The following CASP14 variants were observed in gnomAD, a reference collection of about 807,000 sequenced individuals.
The protein encoded by CASP14 is caspase-14.
In CASP14, 27 loss-of-function variants were observed where a neutral mutation model predicts 28.4. The observed-to-expected ratio is 0.95, with a 90% CI of 0.70 to 1.31. The LOEUF (loss-of-function observed/expected upper bound fraction) is 1.31. Among genes scored for constraint, CASP14 ranks in the 50% most tolerant of loss-of-function variants. The pLI is 0.00. For synonymous variants in CASP14, 115 were observed against 118.6 expected (o/e 0.97, Z 0.20); for missense variants, 323 against 312.8 (o/e 1.03, Z -0.25).
At chr19:15,055,584 A>G in intron 6 of CASP14, 51 bp downstream of exon 6, 1 of 1,350,634 alleles carries the variant, frequency 7.4e-7, no homozygotes, top group Non-Finnish European at 1.1e-6. Context: ...AGAAGGGTGC[A>G]GGCGGAGGGG....
rs1266196493 is a variant in CASP14 at position 15,056,891 on chromosome 19, G to A, written c.*802G>A. ...ATATTTAACCTCTCATAACCAGAGAGGTTAAATAATTTGTCAAATGCAATA... is the reference window on the plus strand; with the variant it reads ...ATATTTAACCTCTCATAACCAGAGAAGTTAAATAATTTGTCAAATGCAATA... On this transcript the variant is annotated 3_prime_UTR_variant, in exon 7 of 7. Coordinates refer to ENST00000427043, the MANE Select transcript of CASP14 (RefSeq NM_012114.3). The A allele has an allele frequency of 6.6e-6, 1 of 152,174 alleles. No individual in the cohort carries two copies. Among genetic ancestry groups the A allele is most frequent in the Non-Finnish European group, 1.5e-5 (1 of 68,036 alleles). 9.4% of individuals were successfully genotyped at this position (152,174 alleles called of 1,614,324 possible).
At position 15,058,194 on chromosome 19, in the gene CASP14, A is replaced by C. The variant is rs1412471626; in HGVS notation, c.*2105A>C. 1 of 151,448 alleles carries C rather than the reference A, an allele frequency of 6.6e-6. No homozygotes were observed. The highest frequency in any genetic ancestry group is 1.5e-5 in the Non-Finnish European group (1 of 67,916). 9.4% of individuals were successfully genotyped at this position (151,448 alleles called of 1,614,324 possible). On this transcript the variant is annotated 3_prime_UTR_variant, in exon 7 of 7. Coordinates refer to ENST00000427043, the MANE Select transcript of CASP14 (RefSeq NM_012114.3). ...TTTTTCTGATTGATCCTTCCCTCTC[A>C]CCCAGGATTAGATGCTGGAAATGAC... is the stretch of plus-strand genomic sequence containing the variant.
At chr19:15,055,929 C>G in intron 6 of CASP14, 56 bp from the exon 7 acceptor site, 1 of 1,392,196 alleles carries the variant, frequency 7.2e-7, no homozygotes, top group African/African-American at 1.4e-5. Context: ...CCCTAACCCT[C>G]CCCCCATAAG....
intron 2 of CASP14, among the ~76,000 whole-genome samples, chr19:15,052,933 A>T (rs1048434465): frequency 4.6e-5 from 7 of 152,196 alleles, no homozygotes; most frequent in Non-Finnish European, 5.9e-5. Context: ...AAAATAAAGG[A>T]CACCCAATTC....
Position 15,057,604 on chromosome 19 carries a change from C to T in CASP14, c.*1515C>T, listed in dbSNP as rs1253888127. On this transcript the variant is annotated 3_prime_UTR_variant, in exon 7 of 7. Transcript: ENST00000427043. ...CACAACATACCATATTATTTAAAGACCAGGGTACTGGACAGTGGCTCACAC... is the reference window on the plus strand; with the variant it reads ...CACAACATACCATATTATTTAAAGATCAGGGTACTGGACAGTGGCTCACAC... 1 of 151,726 alleles carries T rather than the reference C, an allele frequency of 6.6e-6. No individual in the cohort carries two copies. Among genetic ancestry groups the T allele is most frequent in the Non-Finnish European group, 1.5e-5 (1 of 68,090 alleles). 9.4% of individuals were successfully genotyped at this position (151,726 alleles called of 1,614,324 possible).
chr19:15,053,663 G>A (rs2046101801), intron 3 of CASP14, 32 bp downstream of exon 3: 4 of 1,613,990 alleles, frequency 2.5e-6, no homozygotes, highest in Non-Finnish European at 3.4e-6. Context: ...GCCTGTTTGG[G>A]GGAAAGGTAC....
intron 1 of CASP14, among the ~76,000 whole-genome samples, chr19:15,049,928 T>C (rs2046081987): frequency 6.6e-6 from 1 of 152,094 alleles, no homozygotes; most frequent in Non-Finnish European, 1.5e-5. Flanking sequence ...GAGACAGAGA[T>C]AATGAAGTCA....
intron 1 of CASP14, among the ~76,000 whole-genome samples, chr19:15,050,135 C>G (rs1369818352): frequency 6.6e-6 from 1 of 152,086 alleles, no homozygotes; most frequent in Admixed American, 6.6e-5. Context: ...TCCCCAGGTC[C>G]TTTGCGGATG....
chr19:15,056,067 G>A lies in CASP14; in HGVS notation c.707G>A (p.Arg236Gln), dbSNP rs147759883. 84 of 1,601,742 alleles carry A rather than the reference G, an allele frequency of 5.2e-5. No individual in the cohort carries two copies. In the East Asian group the frequency reaches 8.8e-4, roughly 17 times the overall value. The stretch of plus-strand genomic sequence containing the variant: ...AACCCTGAAATCCAAAGCACCCTCC[G>A]GAAACGGCTGTATCTGCAGTAGAAG... ...KTNPEIQSTL[R>Q]KRLYLQ is the part of the protein sequence containing the mutation. The change falls in exon 7 of 7, where the codon CGG (arginine) becomes CAG (glutamine). Residue 236 changes from arginine (R) to glutamine (Q), a missense_variant. Coordinates refer to ENST00000427043, the MANE Select transcript of CASP14 (RefSeq NM_012114.3).
At chr19:15,051,138 G>A (rs116547440) in intron 1 of CASP14, among the ~76,000 whole-genome samples, 2,749 of 151,746 alleles carry the variant, frequency 0.018, 66 homozygotes, top group African/African-American at 0.059. Flanking sequence ...ATGGATGGTT[G>A]ATGGGGGAAG....
At position 15,053,971 on chromosome 19, in the gene CASP14, C is replaced by T. The variant is rs370551910; in HGVS notation, c.403+13C>T. ...GCCTGTCGAGGAGGTGGGGACAGAT[C>T]CAAGAGCACAGAGTCTGTGGTTTGT... is the stretch of plus-strand genomic sequence containing the variant. On this transcript the variant is annotated intron_variant, in intron 4 of 6. Coordinates refer to ENST00000427043, the MANE Select transcript of CASP14 (RefSeq NM_012114.3). 6.2e-7 allele frequency: 1 copy of T among 1,601,100 alleles called. No individual in the cohort carries two copies. Among genetic ancestry groups the T allele is most frequent in the Non-Finnish European group, 8.5e-7 (1 of 1,171,050 alleles).
rs2046110048 is a variant in CASP14, at chr19:15,055,148, G to C, written c.404-10G>C. On this transcript the variant is annotated splice_polypyrimidine_tract_variant and intron_variant, in intron 4 of 6. Coordinates refer to ENST00000427043, the MANE Select transcript of CASP14 (RefSeq NM_012114.3). The stretch of plus-strand genomic sequence containing the variant: ...TCTGACTTTGCCTCCTCCTCTTCTT[G>C]TTGTTTCAGAACAAAGGGACCCCGG... The C allele has an allele frequency of 6.2e-7, 1 of 1,610,348 alleles. No homozygotes were observed. The highest frequency in any genetic ancestry group is 1.3e-5 in the African/African-American group (1 of 74,804).
chr19:15,052,007 C>T (rs1360761274), intron 1 of CASP14, among the ~76,000 whole-genome samples, 199 bp from the exon 2 acceptor site: 1 of 152,104 alleles, frequency 6.6e-6, no homozygotes, highest in East Asian at 1.9e-4. Context: ...AAATGGAAGA[C>T]ATCGTGAAAT....
rs1244648915 is a variant in CASP14 at position 15,056,118 on chromosome 19, T to C, written c.*29T>C. On this transcript the variant is annotated 3_prime_UTR_variant, in exon 7 of 7. Coordinates refer to ENST00000427043, the MANE Select transcript of CASP14 (RefSeq NM_012114.3). ...TAGAAAGACCAGGAGGAGCTTTCCT[T>C]CCAGCATTCTTTCTGTCTCACAGAA... The C allele has an allele frequency of 1.3e-6, 2 of 1,501,982 alleles. No individual in the cohort carries two copies. Among genetic ancestry groups the C allele is most frequent in the East Asian group, 2.4e-5 (1 of 41,552 alleles). The allele number at this position is 1,501,982 out of a possible 1,614,324, so 93.0% of individuals were successfully genotyped here.
rs886997021 is a variant in CASP14, at chr19:15,055,671, G to A, written c.624+138G>A. The A allele has an allele frequency of 6.2e-6, 4 of 644,298 alleles. No homozygotes were observed. The African/African-American group carries it at 7.4e-5, about 12-fold the overall frequency. 39.9% of individuals were successfully genotyped at this position (644,298 alleles called of 1,614,324 possible). A position where few individuals can be genotyped will look rare whatever the true frequency, so the allele number is the denominator to read the frequency against. On this transcript the variant is annotated intron_variant, in intron 6 of 6. Transcript: ENST00000427043. ...CAGATCTCAATACAGAAACTAAGAA[G>A]CCCACTTTCCAACAACTTTCCCAAA...
intron 1 of CASP14, among the ~76,000 whole-genome samples, chr19:15,050,859 T>C (rs1317736713): frequency 6.6e-6 from 1 of 151,452 alleles, no homozygotes; most frequent in Non-Finnish European, 1.5e-5. Context: ...AGTGGATAGA[T>C]AGGTAAGTGG....
Position 15,055,533 on chromosome 19 carries a change from G to A in CASP14, c.624G>A (p.Glu208=). The A allele has an allele frequency of 1.2e-6, 2 of 1,612,578 alleles. No individual in the cohort carries two copies. Among genetic ancestry groups the A allele is most frequent in the Non-Finnish European group, 1.7e-6 (2 of 1,178,626 alleles). ...RKGHILELLT[E]VTRRMAEAEL... The stretch of plus-strand genomic sequence containing the variant: ...GACATATCTTGGAACTTCTGACAGA[G>A]GTGAGTTGACAAAAGGTAGCTGGGA... The change falls in exon 6 of 7, where the codon GAG becomes GAA. Residue 208 remains glutamate (E), a splice_region_variant and synonymous_variant. Coordinates refer to ENST00000427043, the MANE Select transcript of CASP14 (RefSeq NM_012114.3).
At position 15,056,121 on chromosome 19, in the gene CASP14, A is replaced by G; in HGVS notation, c.*32A>G. 5 of 1,505,074 alleles carry G rather than the reference A, an allele frequency of 3.3e-6. No individual in the cohort carries two copies. Among genetic ancestry groups the G allele is most frequent in the Non-Finnish European group, 4.5e-6 (5 of 1,101,998 alleles). The allele number at this position is 1,505,074 out of a possible 1,614,324, so 93.2% of individuals were successfully genotyped here. On this transcript the variant is annotated 3_prime_UTR_variant, in exon 7 of 7. Transcript: ENST00000427043. ...AAAGACCAGGAGGAGCTTTCCTTCC[A>G]GCATTCTTTCTGTCTCACAGAAATT...
chr19:15,056,064 T>C lies in CASP14; in HGVS notation c.704T>C (p.Leu235Pro). The change falls in exon 7 of 7, where the codon CTC (leucine) becomes CCC (proline). Residue 235 changes from leucine (L) to proline (P), a missense_variant. Coordinates refer to ENST00000427043, the MANE Select transcript of CASP14 (RefSeq NM_012114.3). ...RKTNPEIQSTLRKRLYLQ is the reference protein window; with the variant it reads ...RKTNPEIQSTPRKRLYLQ ...ACGAACCCTGAAATCCAAAGCACCC[T>C]CCGGAAACGGCTGTATCTGCAGTAG... is the stretch of plus-strand genomic sequence containing the variant. 1 of 1,603,524 alleles carries C rather than the reference T, an allele frequency of 6.2e-7. No homozygotes were observed. Among genetic ancestry groups the C allele is most frequent in the Non-Finnish European group, 8.5e-7 (1 of 1,174,772 alleles).
Sources: allele counts gnomAD v4.1 joint callset (sites outside exome capture counted in the v4.1 genomes callset), GRCh38; gene constraint gnomAD v4.1.1; transcripts MANE v1.5; gene names NCBI Gene and HGNC (gene_info 2026-07-23, HGNC 2026-07-21).